The following BNC2 variants were observed in gnomAD, a reference collection of about 807,000 sequenced individuals.
The protein encoded by BNC2 is zinc finger protein basonuclin-2.
In BNC2, 20 loss-of-function variants were observed where a neutral mutation model predicts 76.3. The observed-to-expected ratio is 0.26, with a 90% CI of 0.18 to 0.38. The LOEUF (loss-of-function observed/expected upper bound fraction) is 0.38. Ranked by LOEUF, BNC2 falls within the 10% of genes least tolerant of loss-of-function variation. BNC2 has a pLI of 1.00. For synonymous variants in BNC2, 582 were observed against 514.8 expected (o/e 1.13, Z -1.77); for missense variants, 1,382 against 1,399.8 (o/e 0.99, Z 0.20).
At chr9:16,703,616 T>C (rs1324073295) in intron 3 of BNC2, among the ~76,000 whole-genome samples, 3 of 152,294 alleles carry the variant, frequency 2.0e-5, no homozygotes, top group South Asian at 2.1e-4. Context: ...AATGTCAATA[T>C]ATATGTTTAA....
At chr9:16,738,233 G>A in intron 2 of BNC2, 127 bp downstream of exon 2, 2 of 1,039,230 alleles carry the variant, frequency 1.9e-6, no homozygotes, top group South Asian at 2.7e-5. Context: ...TTCATAGAAT[G>A]AGGATAAGTA....
At chr9:16,430,088 A>T (rs1168883700) in intron 6 of BNC2, 1 of 456,492 alleles carries the variant, frequency 2.2e-6, no homozygotes, top group Admixed American at 2.3e-5. Context: ...GCAATTACTC[A>T]GGAGGGGGAT....
At chr9:16,683,015 G>T (rs537672459) in intron 3 of BNC2, among the ~76,000 whole-genome samples, 1 of 152,284 alleles carries the variant, frequency 6.6e-6, no homozygotes, top group East Asian at 1.9e-4. Context: ...CACTTCAAAA[G>T]CCACTGGGGA....
At chr9:16,855,363 A>G (rs892259768) in intron 1 of BNC2, among the ~76,000 whole-genome samples, 3 of 152,168 alleles carry the variant, frequency 2.0e-5, no homozygotes, top group African/African-American at 7.2e-5. Context: ...CATCTGTAAT[A>G]CCTATGGCAC....
At chr9:16,761,839 A>G (rs1009907554) in intron 1 of BNC2, among the ~76,000 whole-genome samples, 4 of 152,200 alleles carry the variant, frequency 2.6e-5, no homozygotes, top group African/African-American at 9.6e-5. Context: ...CCCATGTTTG[A>G]GGAATTAGTG....
chr9:16,490,457 G>A (rs1822253599), intron 5 of BNC2, among the ~76,000 whole-genome samples: 1 of 152,132 alleles, frequency 6.6e-6, no homozygotes, highest in East Asian at 1.9e-4. Flanking sequence ...TGAGATTTAG[G>A]TGGGGACACA....
At chr9:16,609,885 T>A (rs10115474) in intron 3 of BNC2, among the ~76,000 whole-genome samples, 9,404 of 152,118 alleles carry the variant, frequency 0.062, 990 homozygotes, top group African/African-American at 0.21. Flanking sequence ...TCTCTTAGTA[T>A]CCTCCATTTT....
intron 6 of BNC2, among the ~76,000 whole-genome samples, chr9:16,432,449 C>T (rs1481517469): frequency 1.2e-4 from 18 of 152,186 alleles, no homozygotes; most frequent in Non-Finnish European, 7.4e-5. Flanking sequence ...TACTAACATG[C>T]CTATCTGGAG....
At chr9:16,601,904 T>C (rs915136358) in intron 3 of BNC2, among the ~76,000 whole-genome samples, 3 of 152,162 alleles carry the variant, frequency 2.0e-5, no homozygotes, top group African/African-American at 7.2e-5. Context: ...GATAATGTTC[T>C]GGAAAGTACC....
intron 3 of BNC2, among the ~76,000 whole-genome samples, chr9:16,654,688 G>T (rs535370795): frequency 1.9e-3 from 283 of 152,190 alleles, no homozygotes; most frequent in Non-Finnish European, 3.3e-3. Context: ...TACTAGATCT[G>T]TTCTTTTTTA....
At chr9:16,491,488 A>T in intron 5 of BNC2, among the ~76,000 whole-genome samples, 1 of 152,238 alleles carries the variant, frequency 6.6e-6, no homozygotes, top group East Asian at 1.9e-4. Flanking sequence ...CTCCTACAGC[A>T]CACGCAGTAT....
At chr9:16,438,091 C>T (rs981367161) in intron 5 of BNC2, among the ~76,000 whole-genome samples, 2 of 151,790 alleles carry the variant, frequency 1.3e-5, no homozygotes, top group Non-Finnish European at 2.9e-5. Flanking sequence ...CCCCTCATAC[C>T]TTGTTACTAA....
intron 2 of BNC2, among the ~76,000 whole-genome samples, chr9:16,729,493 C>A (rs1308005785): frequency 2.0e-5 from 3 of 152,144 alleles, no homozygotes; most frequent in Non-Finnish European, 1.5e-5. Context: ...TATGTTGACA[C>A]AAATGTGCCT....
intron 5 of BNC2, among the ~76,000 whole-genome samples, chr9:16,516,269 C>T (rs556300295): frequency 6.6e-6 from 1 of 151,816 alleles, no homozygotes; most frequent in African/African-American, 2.4e-5. Flanking sequence ...CAAGATGGGG[C>T]TGGTGTAGAT....
chr9:16,452,675 G>A (rs1004475606), intron 5 of BNC2, among the ~76,000 whole-genome samples: 2 of 152,162 alleles, frequency 1.3e-5, no homozygotes, highest in Admixed American at 1.3e-4. Flanking sequence ...CTCCCAAAAT[G>A]CTGGGATCAC....
intron 1 of BNC2, among the ~76,000 whole-genome samples, chr9:16,808,111 A>C (rs547005082): frequency 2.3e-4 from 35 of 152,326 alleles, no homozygotes; most frequent in African/African-American, 8.4e-4. Flanking sequence ...TATTTAAAGA[A>C]TAACAAAATT....
At chr9:16,497,039 T>C (rs1286513627) in intron 5 of BNC2, among the ~76,000 whole-genome samples, 2 of 152,224 alleles carry the variant, frequency 1.3e-5, no homozygotes, top group Admixed American at 6.5e-5. Flanking sequence ...ACACATTAGG[T>C]TGTGATCCAT....
intron 5 of BNC2, among the ~76,000 whole-genome samples, chr9:16,503,681 C>A (rs1047000530): frequency 6.6e-6 from 1 of 152,160 alleles, no homozygotes; most frequent in African/African-American, 2.4e-5. Flanking sequence ...CATATCTCAA[C>A]TTTTTACTAT....
intron 5 of BNC2, among the ~76,000 whole-genome samples, chr9:16,507,409 G>GC (rs1822654483): frequency 6.6e-6 from 1 of 151,794 alleles, no homozygotes; most frequent in Admixed American, 6.6e-5. Context: ...ACAGGCGCAT[G>GC]CCCCCACACC....
Sources: gnomAD v4.1 joint callset for allele counts (sites outside exome capture counted in the v4.1 genomes callset) on GRCh38, gnomAD v4.1.1 for gene constraint, MANE v1.5 for transcripts, NCBI Gene and HGNC (gene_info 2026-07-23, HGNC 2026-07-21) for gene names.